The following ZFP91 variants were observed in gnomAD, a reference collection of about 807,000 sequenced individuals.
ZFP91 encodes E3 ubiquitin-protein ligase ZFP91.
Under a neutral mutation model 63.5 loss-of-function variants are expected in ZFP91, and 7 were observed. The observed-to-expected ratio is 0.11, with a 90% CI of 0.06 to 0.21. The LOEUF (loss-of-function observed/expected upper bound fraction) is 0.21. ZFP91 is among the 10% of genes least tolerant of loss of function. The pLI is 1.00. For synonymous variants in ZFP91, 330 were observed against 272.1 expected, an observed-to-expected ratio of 1.21 and a Z score of -2.10; for missense variants, 628 against 736.6, an observed-to-expected ratio of 0.85 and a Z score of 1.71.
chr11:58,608,214 ATCTC>A (rs1855600158), intron 2 of ZFP91, among the ~76,000 whole-genome samples: 1 of 151,852 alleles, frequency 6.6e-6, no homozygotes, highest in Middle Eastern at 3.2e-3. Context: ...TTACATATAT[ATCTC>A]TCTCTTACAT....
At chr11:58,598,545 G>A (rs1371252184) in intron 2 of ZFP91, among the ~76,000 whole-genome samples, 2 of 151,892 alleles carry the variant, frequency 1.3e-5, no homozygotes, top group African/African-American at 4.8e-5. Flanking sequence ...AAGCTAGTAT[G>A]GCTTTTTTCT....
chr11:58,589,339 A>G (rs1311531338), intron 2 of ZFP91, among the ~76,000 whole-genome samples: 1 of 152,178 alleles, frequency 6.6e-6, no homozygotes, highest in Non-Finnish European at 1.5e-5. Context: ...GCTGGAATTT[A>G]TAGGCATAAG....
At chr11:58,616,890 CAT>C (rs1446545511) in intron 10 of ZFP91, 75 bp downstream of exon 10, 15 of 1,374,738 alleles carry the variant, frequency 1.1e-5, no homozygotes, top group Admixed American at 3.6e-5. Flanking sequence ...GCTTTACAAA[CAT>C]ATTAGTTGCC....
chr11:58,602,324 G>A (rs147602827), intron 2 of ZFP91, among the ~76,000 whole-genome samples: 26 of 152,194 alleles, frequency 1.7e-4, no homozygotes, highest in African/African-American at 6.3e-4. Flanking sequence ...TCTGACTGGT[G>A]TTTGGTTCTG....
chr11:58,592,705 A>G (rs912958255), intron 2 of ZFP91, among the ~76,000 whole-genome samples: 2 of 152,218 alleles, frequency 1.3e-5, no homozygotes, highest in Non-Finnish European at 2.9e-5. Context: ...GAAAAGGTAC[A>G]TACAGACTTT....
At position 58,619,435 on chromosome 11, in the gene ZFP91, T is replaced by C. The variant is rs574884569; in HGVS notation, c.*1729T>C. The C allele has an allele frequency of 6.6e-6, 1 of 152,354 alleles. No individual in the cohort carries two copies. The highest frequency in any genetic ancestry group is 6.5e-5 in the Admixed American group (1 of 15,280). The allele number at this position is 152,354 out of a possible 1,614,324, so 9.4% of individuals were successfully genotyped here. A position where few individuals can be genotyped will look rare whatever the true frequency, so the allele number is the denominator to read the frequency against. ...TCGAAGGCTTACCCTATTCATTGTT[T>C]ATTGTCAGAAATGCATGATGGCTCT... is the stretch of plus-strand genomic sequence containing the variant. On this transcript the variant is annotated 3_prime_UTR_variant, in exon 11 of 11. Transcript: ENST00000316059.
At chr11:58,584,733 C>A in intron 1 of ZFP91, 123 bp from the exon 2 acceptor site, 1 of 854,424 alleles carries the variant, frequency 1.2e-6, no homozygotes, top group Non-Finnish European at 1.7e-6. Flanking sequence ...GCTGAAAATT[C>A]TGTAGGACAA....
intron 2 of ZFP91, among the ~76,000 whole-genome samples, chr11:58,596,813 G>C (rs1377510246): frequency 2.0e-5 from 3 of 151,918 alleles, no homozygotes; most frequent in African/African-American, 7.3e-5. Context: ...TCTCCAGCAG[G>C]AATTTTCTAT....
intron 9 of ZFP91, 97 bp downstream of exon 9, chr11:58,614,440 A>AT: frequency 1.1e-6 from 1 of 888,138 alleles, no homozygotes; most frequent in Non-Finnish European, 1.6e-6. Flanking sequence ...GTCTTAAAAG[A>AT]TTCTATAGTC....
intron 2 of ZFP91, among the ~76,000 whole-genome samples, chr11:58,586,709 G>A (rs1239703332): frequency 6.6e-6 from 1 of 152,080 alleles, no homozygotes; most frequent in African/African-American, 2.4e-5. Flanking sequence ...ACTTTTTCCT[G>A]TTGTGTTTCG....
At chr11:58,608,078 TAC>T (rs753738071) in intron 2 of ZFP91, among the ~76,000 whole-genome samples, 22 of 150,942 alleles carry the variant, frequency 1.5e-4, no homozygotes, top group Middle Eastern at 3.5e-3. Flanking sequence ...TATATATATA[TAC>T]ACACACACAC....
At chr11:58,590,085 G>C (rs1022008268) in intron 2 of ZFP91, among the ~76,000 whole-genome samples, 5 of 152,198 alleles carry the variant, frequency 3.3e-5, no homozygotes, top group African/African-American at 1.2e-4. Flanking sequence ...TGCCCTGATA[G>C]AAGAAAACTG....
At position 58,579,222 on chromosome 11, in the gene ZFP91, G is replaced by T. The variant is rs1302763392; in HGVS notation, c.-60G>T. 11 of 1,336,098 alleles carry T rather than the reference G, an allele frequency of 8.2e-6. No individual in the cohort carries two copies. Among genetic ancestry groups the T allele is most frequent in the African/African-American group, 4.7e-5 (3 of 63,530 alleles). The allele number at this position is 1,336,098 out of a possible 1,614,324, so 82.8% of individuals were successfully genotyped here. ...GCGAGGGGGCGGGGGGAGCAGCGCC[G>T]AGGCCGCCGCCTCCGCCTCCGCCGC... On this transcript the variant is annotated 5_prime_UTR_variant, in exon 1 of 11. Transcript: ENST00000316059.
In ZFP91 at chr11:58,620,010, T is replaced by C. The variant is rs1855821045; in HGVS notation, c.*2304T>C. The C allele has an allele frequency of 6.6e-6, 1 of 152,198 alleles. No homozygotes were observed. Among genetic ancestry groups the C allele is most frequent in the African/African-American group, 2.4e-5 (1 of 41,448 alleles). The allele number at this position is 152,198 out of a possible 1,614,324, so 9.4% of individuals were successfully genotyped here. ...GCCACCTACACAAAAGCAAACTGCA[T>C]TTTTAAAAATCTTTCTGAGATGGGA... is the stretch of plus-strand genomic sequence containing the variant. On this transcript the variant is annotated 3_prime_UTR_variant, in exon 11 of 11. Transcript: ENST00000316059.
At chr11:58,610,914 A>C (rs1304415350) in intron 4 of ZFP91, 36 bp from the exon 5 acceptor site, 9 of 1,592,942 alleles carry the variant, frequency 5.6e-6, no homozygotes, top group Non-Finnish European at 7.7e-6. Context: ...TGTTCGCTAC[A>C]ACCAGAATGT....
intron 2 of ZFP91, among the ~76,000 whole-genome samples, chr11:58,594,714 A>C (rs565340965): frequency 1.3e-5 from 2 of 152,368 alleles, no homozygotes; most frequent in African/African-American, 4.8e-5. Context: ...CTAGAATAAG[A>C]AAGAAAAATC....
At chr11:58,613,324 T>C (rs1855696855) in intron 8 of ZFP91, among the ~76,000 whole-genome samples, 2 of 152,118 alleles carry the variant, frequency 1.3e-5, no homozygotes, top group African/African-American at 4.8e-5. Flanking sequence ...TTGTAACAAA[T>C]CTACTCCAAT....
chr11:58,579,260 G>A lies in ZFP91; in HGVS notation c.-22G>A. 1 of 1,414,296 alleles carries A rather than the reference G, an allele frequency of 7.1e-7. No homozygotes were observed. The highest frequency in any genetic ancestry group is 9.1e-7 in the Non-Finnish European group (1 of 1,095,172). 87.6% of individuals were successfully genotyped at this position (1,414,296 alleles called of 1,614,324 possible). A position where few individuals can be genotyped will look rare whatever the true frequency, so the allele number is the denominator to read the frequency against. On this transcript the variant is annotated 5_prime_UTR_variant, in exon 1 of 11. Coordinates refer to ENST00000316059, the MANE Select transcript of ZFP91 (RefSeq NM_053023.5). ...CCGCCTCCGCCGCCTAGGACTAGGG[G>A]GTGGGGGACGGACAAGCCCCGATGC...
At chr11:58,609,268 A>T (rs1855618861) in intron 2 of ZFP91, among the ~76,000 whole-genome samples, 1 of 152,226 alleles carries the variant, frequency 6.6e-6, no homozygotes, top group African/African-American at 2.4e-5. Context: ...TTATAGGACA[A>T]CTGAAACAGA....
Sources: gnomAD v4.1 joint callset for allele counts (sites outside exome capture counted in the v4.1 genomes callset) on GRCh38, gnomAD v4.1.1 for gene constraint, MANE v1.5 for transcripts, NCBI Gene and HGNC (gene_info 2026-07-23, HGNC 2026-07-21) for gene names.